TFRC: variants seen among roughly 807,000 people sequenced by gnomAD.
The protein encoded by TFRC is transferrin receptor protein 1.
TFRC carries 35 observed loss-of-function variants against 85.8 expected under a neutral mutation model. The observed-to-expected ratio is 0.41, with a 90% confidence interval of 0.31 to 0.54. The LOEUF (loss-of-function observed/expected upper bound fraction) is 0.54. Ranked by LOEUF, TFRC falls within the 20% of genes least tolerant of loss-of-function variation. TFRC has a pLI of 0.31. For missense variants in TFRC, 828 were observed against 921.5 expected, an observed-to-expected ratio of 0.90 and a Z score of 1.31; for synonymous variants, 362 against 328.6, an observed-to-expected ratio of 1.10 and a Z score of -1.10.
intron 13 of TFRC, among the ~76,000 whole-genome samples, chr3:196,061,891 G>A (rs1226165796): frequency 4.6e-5 from 7 of 152,154 alleles, no homozygotes; most frequent in African/African-American, 1.4e-4. Flanking sequence ...TACTCATCTG[G>A]GGGCCACACT....
chr3:196,056,516 C>A (rs1277246001), intron 16 of TFRC, among the ~76,000 whole-genome samples: 1 of 152,174 alleles, frequency 6.6e-6, no homozygotes, highest in African/African-American at 2.4e-5. Flanking sequence ...TCTTCCACCT[C>A]AGCCTCCTGA....
At chr3:196,063,859 G>C (rs1330948653) in intron 11 of TFRC, among the ~76,000 whole-genome samples, 1 of 152,154 alleles carries the variant, frequency 6.6e-6, no homozygotes, top group East Asian at 1.9e-4. Flanking sequence ...AGAGGTTGCA[G>C]TGAGCTAAGT....
chr3:196,056,122 G>T (rs900515072), intron 16 of TFRC, among the ~76,000 whole-genome samples: 1 of 152,194 alleles, frequency 6.6e-6, no homozygotes, highest in Admixed American at 6.5e-5. Context: ...ACAGCCTTAA[G>T]CTCCTAGCTC....
rs570396029 is a variant in TFRC, at chr3:196,067,003, A to T, written c.1040+515T>A. The stretch of plus-strand genomic sequence containing the variant: ...GTTTTTAAAGAGAGACACTAACGTT[A>T]CAGGGAGGATATCCAGAGGAGCGAG... On this transcript the variant is annotated intron_variant, in intron 9 of 18. Transcript: ENST00000360110. 3.2e-4 allele frequency among the ~76,000 whole-genome samples: 49 copies of T among 152,352 alleles called. 1 individual carries two copies. The highest frequency in any genetic ancestry group is 1.0e-3 in the South Asian group (5 of 4,828).
intron 16 of TFRC, among the ~76,000 whole-genome samples, chr3:196,057,020 C>T (rs1436173643): frequency 1.3e-5 from 2 of 152,132 alleles, no homozygotes; most frequent in Non-Finnish European, 2.9e-5. Context: ...CGGGGTTTCA[C>T]CATTTTGGTC....
chr3:196,075,195 A>G lies in TFRC; in HGVS notation c.202T>C (p.Tyr68His). The G allele has an allele frequency of 6.2e-7, 1 of 1,614,200 alleles. No individual in the cohort carries two copies. The highest frequency in any genetic ancestry group is 8.5e-7 in the Non-Finnish European group (1 of 1,180,044). ...KPKRCSGSIC[Y>H]GTIAVIVFFL... Reference sequence around the variant, plus strand: ...AAGACGATCACAGCAATAGTCCCATAGCAGATACTTCCACTACACCTTTTT... The same window carrying G: ...AAGACGATCACAGCAATAGTCCCATGGCAGATACTTCCACTACACCTTTTT... Residue 68 changes from tyrosine (Y) to histidine (H), a missense_variant, in exon 3 of 19, where the codon TAT becomes CAT. By Grantham distance (83) the Tyr-to-His change is moderately conservative. Coordinates refer to ENST00000360110, the MANE Select transcript of TFRC (RefSeq NM_001128148.3).
At chr3:196,066,858 G>A (rs547825880) in intron 9 of TFRC, among the ~76,000 whole-genome samples, 3 of 152,310 alleles carry the variant, frequency 2.0e-5, no homozygotes, top group Admixed American at 1.3e-4. Flanking sequence ...TGTCATACAG[G>A]AGATAAATGC....
intron 6 of TFRC, among the ~76,000 whole-genome samples, chr3:196,071,182 G>C (rs1239270084): frequency 1.3e-5 from 2 of 152,160 alleles, no homozygotes; most frequent in Non-Finnish European, 2.9e-5. Flanking sequence ...TCAGCTGCTA[G>C]CAGTACTATA....
rs1190420827 is a variant in TFRC at position 196,050,166 on chromosome 3, G to A, written c.*1776C>T. On this transcript the variant is annotated 3_prime_UTR_variant, in exon 19 of 19. Transcript: ENST00000360110. Reference sequence around the variant, plus strand: ...CTTGTCCGCACTAAGTTTATAGGAGGTAACATGCAAATAATGTGATAAAGT... The same window carrying A: ...CTTGTCCGCACTAAGTTTATAGGAGATAACATGCAAATAATGTGATAAAGT... 1.7e-5 allele frequency: 4 copies of A among 228,838 alleles called. No homozygotes were observed. Among genetic ancestry groups the A allele is most frequent in the Non-Finnish European group, 2.6e-5 (3 of 115,442 alleles). 14.2% of individuals were successfully genotyped at this position (228,838 alleles called of 1,614,324 possible). A position where few individuals can be genotyped will look rare whatever the true frequency, so the allele number is the denominator to read the frequency against.
At chr3:196,069,688 A>C in intron 6 of TFRC, 120 bp from the exon 7 acceptor site, 1 of 566,622 alleles carries the variant, frequency 1.8e-6, no homozygotes, top group Non-Finnish European at 3.1e-6. Context: ...AGATAAAAGG[A>C]GGCCAAGGCC....
chr3:196,072,246 T>TTATC, intron 4 of TFRC, 94 bp from the exon 5 acceptor site: 1 of 1,471,830 alleles, frequency 6.8e-7, no homozygotes, highest in Non-Finnish European at 9.3e-7. Flanking sequence ...AAGCAAAATA[T>TTATC]TATCCCTCAT....
rs1716122706 is a variant in TFRC, at chr3:196,049,578, A to T, written c.*2364T>A. The T allele has an allele frequency of 4.5e-6, 1 of 222,984 alleles. No individual in the cohort carries two copies. The highest frequency in any genetic ancestry group is 1.8e-4 in the South Asian group (1 of 5,462). 13.8% of individuals were successfully genotyped at this position (222,984 alleles called of 1,614,324 possible). On this transcript the variant is annotated 3_prime_UTR_variant, in exon 19 of 19. Transcript: ENST00000360110. ...TTCATTCAGGAATATTGAGCCTGTT[A>T]GCACGTACTGGCTTGATAGGAAGTA...
chr3:196,067,035 C>T (rs934056940), intron 9 of TFRC, among the ~76,000 whole-genome samples: 2 of 152,184 alleles, frequency 1.3e-5, no homozygotes, highest in South Asian at 2.1e-4. Context: ...CGAGCCACAA[C>T]CATAAATGGT....
At chr3:196,054,942 C>G (rs1447930623) in intron 17 of TFRC, 138 bp downstream of exon 17, 2 of 858,694 alleles carry the variant, frequency 2.3e-6, no homozygotes, top group African/African-American at 3.4e-5. Context: ...ACCAATTCTA[C>G]ATACAATTAT....
intron 13 of TFRC, among the ~76,000 whole-genome samples, chr3:196,061,949 T>G: frequency 6.6e-6 from 1 of 152,316 alleles, no homozygotes; most frequent in Non-Finnish European, 1.5e-5. Flanking sequence ...ACTGTGTAAC[T>G]TGACAGACTA....
chr3:196,058,551 T>C (rs757359633), intron 15 of TFRC, 23 bp downstream of exon 15: 52 of 1,604,948 alleles, frequency 3.2e-5, no homozygotes, highest in Middle Eastern at 1.7e-4. Context: ...TATTAGTTTG[T>C]TCATTCACTT....
At position 196,069,448 on chromosome 3, in the gene TFRC, T is replaced by C. The variant is rs1338857942; in HGVS notation, c.801+7A>G. 1.3e-6 allele frequency: 2 copies of C among 1,522,498 alleles called. No homozygotes were observed. The highest frequency in any genetic ancestry group is 1.4e-5 in the African/African-American group (1 of 72,996). 94.3% of individuals were successfully genotyped at this position (1,522,498 alleles called of 1,614,324 possible). A position where few individuals can be genotyped will look rare whatever the true frequency, so the allele number is the denominator to read the frequency against. ...CTGTATTTAATATTATAATAACTCA[T>C]ACTCACCTTTTCTGCAAAGGTGATT... On this transcript the variant is annotated splice_region_variant and intron_variant, in intron 7 of 18. Transcript: ENST00000360110.
chr3:196,066,998 A>G (rs926639095), intron 9 of TFRC, among the ~76,000 whole-genome samples: 1 of 152,220 alleles, frequency 6.6e-6, no homozygotes, highest in African/African-American at 2.4e-5. Flanking sequence ...AGAGACACTA[A>G]CGTTACAGGG....
intron 10 of TFRC, 24 bp downstream of exon 10, chr3:196,065,412 CGGGGCGG>C: frequency 1.1e-6 from 1 of 937,018 alleles, no homozygotes. Context: ...AAAAAAAAAG[CGGGGCGG>C]GGGGGGGGGG....
Sources: allele counts gnomAD v4.1 joint callset (sites outside exome capture counted in the v4.1 genomes callset), GRCh38; gene constraint gnomAD v4.1.1; transcripts MANE v1.5; gene names NCBI Gene and HGNC (gene_info 2026-07-23, HGNC 2026-07-21).